AGFG1: variants seen among roughly 807,000 people sequenced by gnomAD.
AGFG1 encodes the protein arf-GAP domain and FG repeat-containing protein 1.
Under a neutral mutation model 60.6 loss-of-function variants are expected in AGFG1, and 10 were observed. The ratio of observed to expected loss-of-function variants is 0.16; its 90% CI spans 0.10 to 0.28. AGFG1 has a LOEUF of 0.28. Ranked by LOEUF, AGFG1 falls within the 10% of genes least tolerant of loss-of-function variation. The pLI, the probability that AGFG1 is intolerant of heterozygous loss-of-function variation, is 1.00. For missense variants in AGFG1, 537 were observed against 676.5 expected (o/e 0.79, Z 2.29); for synonymous variants, 247 against 242.9 (o/e 1.02, Z -0.16).
In AGFG1 at chr2:227,525,168, T is replaced by C. The variant is rs115971341; in HGVS notation, c.694+253T>C. 3.5e-3 allele frequency among the ~76,000 whole-genome samples: 529 copies of C among 152,326 alleles called. 1 individual carries two copies. Among genetic ancestry groups the C allele is most frequent in the Non-Finnish European group, 5.2e-3 (352 of 68,030 alleles). The stretch of plus-strand genomic sequence containing the variant: ...GAAAGGATGTAATGTCTATTTTTTA[T>C]TCTTTATGAAATTGAAAATATTCAA... On this transcript the variant is annotated intron_variant, in intron 5 of 12. Transcript: ENST00000310078.
chr2:227,519,131 A>C (rs1691747666), intron 2 of AGFG1, among the ~76,000 whole-genome samples: 1 of 152,172 alleles, frequency 6.6e-6, no homozygotes, highest in South Asian at 2.1e-4. Flanking sequence ...GCACCACTGC[A>C]CTCCATCCTG....
At chr2:227,494,738 A>G (rs899888083) in intron 2 of AGFG1, among the ~76,000 whole-genome samples, 2 of 152,218 alleles carry the variant, frequency 1.3e-5, no homozygotes, top group African/African-American at 2.4e-5. Context: ...TTCTGCATAT[A>G]TAATTTAATT....
At chr2:227,501,613 C>T (rs1183810031) in intron 2 of AGFG1, among the ~76,000 whole-genome samples, 1 of 152,124 alleles carries the variant, frequency 6.6e-6, no homozygotes, top group Non-Finnish European at 1.5e-5. Flanking sequence ...AGGGTCTCAA[C>T]TTCTGTCACT....
intron 10 of AGFG1, among the ~76,000 whole-genome samples, chr2:227,537,729 A>C (rs555713001): frequency 2.0e-5 from 3 of 152,310 alleles, no homozygotes; most frequent in Admixed American, 2.0e-4. Context: ...GTATCCATTA[A>C]ATCTAGAGTT....
chr2:227,551,322 G>A (rs1005733843), intron 10 of AGFG1, among the ~76,000 whole-genome samples: 7 of 150,302 alleles, frequency 4.7e-5, no homozygotes, highest in South Asian at 2.1e-4. Context: ...GGTGGGAGTC[G>A]TGTGTGTGTG....
chr2:227,502,443 C>G (rs1691187647), intron 2 of AGFG1, among the ~76,000 whole-genome samples: 1 of 152,106 alleles, frequency 6.6e-6, no homozygotes, highest in Non-Finnish European at 1.5e-5. Flanking sequence ...GCCCCAGCCT[C>G]CCGAGTAGCT....
chr2:227,503,257 A>G (rs1691213548), intron 2 of AGFG1, among the ~76,000 whole-genome samples: 1 of 151,524 alleles, frequency 6.6e-6, no homozygotes, highest in Non-Finnish European at 1.5e-5. Context: ...AAAAAAAAAG[A>G]AATGACCGTA....
rs1170490705 is a variant in AGFG1 at position 227,491,656 on chromosome 2, T to G, written c.261+16T>G. The G allele has an allele frequency of 6.7e-7, 1 of 1,498,878 alleles. No individual in the cohort carries two copies. The highest frequency in any genetic ancestry group is 2.4e-5 in the Admixed American group (1 of 41,966). The allele number at this position is 1,498,878 out of a possible 1,614,324, so 92.8% of individuals were successfully genotyped here. On this transcript the variant is annotated intron_variant, in intron 2 of 12. Transcript: ENST00000310078. ...TGGAAATGAAGTAAGTGGTTTTTTT[T>G]TTTTTTTGCAATTTTTGACTTTTTT...
chr2:227,490,448 G>C (rs1690775488), intron 1 of AGFG1, among the ~76,000 whole-genome samples: 1 of 151,946 alleles, frequency 6.6e-6, no homozygotes, highest in African/African-American at 2.4e-5. Context: ...CGTGGTGGCG[G>C]GTACCTGTAG....
At chr2:227,480,173 T>C (rs1482405200) in intron 1 of AGFG1, among the ~76,000 whole-genome samples, 1 of 152,162 alleles carries the variant, frequency 6.6e-6, no homozygotes, top group Non-Finnish European at 1.5e-5. Flanking sequence ...TGCTACTAGC[T>C]TAAAGAAGAA....
Position 227,535,013 on chromosome 2 carries a change from G to A in AGFG1, c.1193G>A (p.Ser398Asn), listed in dbSNP as rs138179091. ...TCCAGTAATGCGTATACTTCCACAA[G>A]TAATGCTAGCAGGTACCTTGTCTTA... ...ATSSNAYTST[S>N]NASSNVFGTV... is the part of the protein sequence containing the mutation. Residue 398 changes from serine to asparagine, a missense_variant, in exon 8 of 13, where the codon AGT becomes AAT. By Grantham distance (46) the Ser-to-Asn change is conservative. Coordinates refer to ENST00000310078, the MANE Select transcript of AGFG1 (RefSeq NM_004504.5). The A allele has an allele frequency of 1.4e-5, 23 of 1,611,196 alleles. No individual in the cohort carries two copies. In the African/African-American group the frequency reaches 2.7e-4, roughly 19 times the overall value.
chr2:227,537,833 T>G (rs183718032), intron 10 of AGFG1, among the ~76,000 whole-genome samples: 2 of 152,184 alleles, frequency 1.3e-5, no homozygotes, highest in African/African-American at 4.8e-5. Flanking sequence ...CTTGAGAGAT[T>G]AGGTACTTGT....
At chr2:227,539,957 T>C (rs1692435903) in intron 10 of AGFG1, among the ~76,000 whole-genome samples, 1 of 152,046 alleles carries the variant, frequency 6.6e-6, no homozygotes, top group African/African-American at 2.4e-5. Flanking sequence ...TGACTCAGCC[T>C]CCTGAGTAGC....
At chr2:227,528,773 A>G (rs1291573860) in intron 5 of AGFG1, among the ~76,000 whole-genome samples, 2 of 152,220 alleles carry the variant, frequency 1.3e-5, no homozygotes, top group African/African-American at 2.4e-5. Flanking sequence ...CTGCAACTCT[A>G]CAGACTAATT....
chr2:227,492,869 CA>C (rs1312463628), intron 2 of AGFG1, among the ~76,000 whole-genome samples: 3 of 151,958 alleles, frequency 2.0e-5, no homozygotes, highest in Non-Finnish European at 4.4e-5. Context: ...GATTAAAATA[CA>C]ATTTGAACTA....
At chr2:227,484,228 G>T (rs1690551711) in intron 1 of AGFG1, among the ~76,000 whole-genome samples, 1 of 151,918 alleles carries the variant, frequency 6.6e-6, no homozygotes, top group African/African-American at 2.4e-5. Context: ...TTACTCTGTG[G>T]CCCAGGCTGG....
intron 1 of AGFG1, among the ~76,000 whole-genome samples, chr2:227,486,791 A>T (rs934929179): frequency 2.0e-5 from 3 of 152,354 alleles, no homozygotes; most frequent in South Asian, 4.1e-4. Flanking sequence ...TATTTAGAGC[A>T]GTGGTTCTCA....
At chr2:227,500,639 C>A (rs1371645235) in intron 2 of AGFG1, among the ~76,000 whole-genome samples, 1 of 152,156 alleles carries the variant, frequency 6.6e-6, no homozygotes, top group Non-Finnish European at 1.5e-5. Context: ...TATACAGGTA[C>A]AATAAACATT....
intron 11 of AGFG1, among the ~76,000 whole-genome samples, chr2:227,553,000 C>A (rs373406004): frequency 3.3e-3 from 308 of 92,264 alleles, no homozygotes; most frequent in East Asian, 4.7e-3. Flanking sequence ...AATTCCATCT[C>A]AAAAAAAAAA....
Sources: gnomAD v4.1 joint callset for allele counts (sites outside exome capture counted in the v4.1 genomes callset) on GRCh38, gnomAD v4.1.1 for gene constraint, MANE v1.5 for transcripts, NCBI Gene and HGNC (gene_info 2026-07-23, HGNC 2026-07-21) for gene names.